Variants in SLC25A21 observed in about 807,000 individuals in gnomAD.
SLC25A21 encodes the protein mitochondrial 2-oxodicarboxylate carrier.
SLC25A21 carries 47 observed loss-of-function variants against 43.8 expected under a neutral mutation model. The ratio of observed to expected loss-of-function variants is 1.07; its 90% confidence interval spans 0.85 to 1.37. SLC25A21 has a LOEUF of 1.37. SLC25A21 is among the 40% of genes most tolerant of loss of function. SLC25A21 has a pLI of 0.00. For synonymous variants in SLC25A21, 131 were observed against 121.3 expected, an observed-to-expected ratio of 1.08 and a Z score of -0.52; for missense variants, 352 against 350.2, an observed-to-expected ratio of 1.00 and a Z score of -0.04.
intron 2 of SLC25A21, among the ~76,000 whole-genome samples, chr14:36,849,549 A>G (rs190222731): frequency 6.6e-6 from 1 of 152,358 alleles, no homozygotes; most frequent in Admixed American, 6.5e-5. Context: ...AAAAGAAAGA[A>G]CTTATTTCCT....
At chr14:36,833,030 T>C (rs1220821409) in intron 2 of SLC25A21, among the ~76,000 whole-genome samples, 1 of 152,182 alleles carries the variant, frequency 6.6e-6, no homozygotes, top group Non-Finnish European at 1.5e-5. Context: ...AAGTTCATTA[T>C]GGTTAAATTT....
At chr14:37,057,745 T>A (rs1961861703) in intron 1 of SLC25A21, among the ~76,000 whole-genome samples, 1 of 152,270 alleles carries the variant, frequency 6.6e-6, no homozygotes, top group African/African-American at 2.4e-5. Context: ...TAAAATATTT[T>A]ATTTCCAGAT....
At chr14:36,892,392 G>A (rs1296841495) in intron 1 of SLC25A21, among the ~76,000 whole-genome samples, 1 of 152,176 alleles carries the variant, frequency 6.6e-6, no homozygotes, top group Non-Finnish European at 1.5e-5. Flanking sequence ...CCCATCAGTA[G>A]ATGAACGGAT....
intron 1 of SLC25A21, among the ~76,000 whole-genome samples, chr14:37,134,929 CTT>C (rs34540986): frequency 2.9e-4 from 41 of 139,364 alleles, no homozygotes; most frequent in Non-Finnish European, 2.8e-4. Flanking sequence ...CTCATCTCTA[CTT>C]TTTTTTTTTT....
intron 1 of SLC25A21, among the ~76,000 whole-genome samples, chr14:37,074,601 G>A (rs997527801): frequency 5.3e-5 from 8 of 152,156 alleles, no homozygotes; most frequent in African/African-American, 1.2e-4. Flanking sequence ...GGAGGCCAAG[G>A]TGGATGGATC....
intron 2 of SLC25A21, among the ~76,000 whole-genome samples, chr14:36,842,482 C>T (rs1031896639): frequency 2.0e-5 from 3 of 152,168 alleles, no homozygotes; most frequent in African/African-American, 7.2e-5. Flanking sequence ...CATGAAGTGA[C>T]TTTGCAAAGT....
chr14:37,171,112 GGGGGAGGGGAGGGGAGGGGAGGGGA>G (rs1204971184), intron 1 of SLC25A21, among the ~76,000 whole-genome samples: 2 of 93,470 alleles, frequency 2.1e-5, no homozygotes, highest in African/African-American at 8.1e-5. Flanking sequence ...AAAGAAAAAG[GGGGGAGGGGAGGGGAGGGGAGGGGA>G]GGGGTGGGGA....
In SLC25A21 at chr14:37,052,296, G is replaced by A. The variant is rs144145041; in HGVS notation, c.70+119985C>T. On this transcript the variant is annotated intron_variant, in intron 1 of 9. Transcript: ENST00000331299. ...GTTATAGAAGATTGAAAAATCGATA[G>A]TATAAACTTTAGGCCTGTAGGTCCA... Among the ~76,000 whole-genome samples the A allele has an allele frequency of 1.9e-3, 289 of 152,248 alleles. 1 individual carries two copies. Among genetic ancestry groups the A allele is most frequent in the African/African-American group, 6.6e-3 (273 of 41,552 alleles).
chr14:36,856,070 G>T (rs1484534283), intron 2 of SLC25A21, among the ~76,000 whole-genome samples: 1 of 152,092 alleles, frequency 6.6e-6, no homozygotes, highest in African/African-American at 2.4e-5. Flanking sequence ...AGAAACCCTG[G>T]TTAACCTTAC....
intron 1 of SLC25A21, among the ~76,000 whole-genome samples, chr14:37,160,431 C>T (rs1417094017): frequency 6.6e-6 from 1 of 152,130 alleles, no homozygotes; most frequent in Non-Finnish European, 1.5e-5. Context: ...ATGGATGAAA[C>T]TGGAGGTCGT....
At chr14:36,812,867 C>G (rs145246523) in intron 3 of SLC25A21, among the ~76,000 whole-genome samples, 2 of 152,228 alleles carry the variant, frequency 1.3e-5, no homozygotes, top group African/African-American at 4.8e-5. Context: ...TCTGAGTCTT[C>G]TTTATCTGTC....
intron 1 of SLC25A21, among the ~76,000 whole-genome samples, chr14:37,072,701 G>A (rs888260567): frequency 2.6e-5 from 4 of 151,998 alleles, no homozygotes; most frequent in South Asian, 2.1e-4. Flanking sequence ...CTGAGATGGC[G>A]CCACTATACT....
chr14:37,029,068 A>T (rs1961152534), intron 1 of SLC25A21, among the ~76,000 whole-genome samples: 1 of 152,176 alleles, frequency 6.6e-6, no homozygotes, highest in African/African-American at 2.4e-5. Context: ...CCACATTATG[A>T]TCTTTCTTTG....
In SLC25A21 at chr14:36,933,096, A is replaced by G. The variant is rs188108419; in HGVS notation, c.71-58092T>C. ...CCAAGATGAAAGCAGGGTGAGATGA[A>G]TAACTAAAATAAGGGCACACCCCTA... On this transcript the variant is annotated intron_variant, in intron 1 of 9. Transcript: ENST00000331299. 2.6e-5 allele frequency among the ~76,000 whole-genome samples: 4 copies of G among 152,280 alleles called. No homozygotes were observed. The East Asian group carries it at 7.7e-4, about 29-fold the overall frequency.
At chr14:37,076,343 T>C (rs1411404249) in intron 1 of SLC25A21, among the ~76,000 whole-genome samples, 1 of 150,534 alleles carries the variant, frequency 6.6e-6, no homozygotes, top group Non-Finnish European at 1.5e-5. Flanking sequence ...GTATTTTTAG[T>C]AGAGATGTAG....
rs1566786697 is a variant in SLC25A21, at chr14:36,977,958, A to ATTT, written c.71-102955_71-102954insAAA. Among the ~76,000 whole-genome samples the ATTT allele has an allele frequency of 4.1e-4, 59 of 143,236 alleles. No homozygotes were observed. In the East Asian group the frequency reaches 0.014, roughly 35 times the overall value. 94.0% of individuals were successfully genotyped at this position (143,236 alleles called of 152,430 possible). On this transcript the variant is annotated intron_variant, in intron 1 of 9. Transcript: ENST00000331299. ...TACAAAGCTTTTTTTTTTTTTTAAAAAAAAAAAAAGACAATTAGTTTGAAC... is the reference window on the plus strand; with the variant it reads ...TACAAAGCTTTTTTTTTTTTTTAAAATTTAAAAAAAAAGACAATTAGTTTGAAC...
At chr14:36,965,257 T>C (rs1273704119) in intron 1 of SLC25A21, among the ~76,000 whole-genome samples, 1 of 152,154 alleles carries the variant, frequency 6.6e-6, no homozygotes, top group African/African-American at 2.4e-5. Context: ...ATAATCACCA[T>C]GACTTTCCAC....
chr14:37,114,401 G>A (rs1448186241), intron 1 of SLC25A21, among the ~76,000 whole-genome samples: 1 of 152,196 alleles, frequency 6.6e-6, no homozygotes, highest in Non-Finnish European at 1.5e-5. Flanking sequence ...AGAGATGGAA[G>A]CAATTAAATG....
chr14:37,042,480 T>C (rs577296456), intron 1 of SLC25A21, among the ~76,000 whole-genome samples: 3 of 152,280 alleles, frequency 2.0e-5, no homozygotes, highest in African/African-American at 7.2e-5. Flanking sequence ...TTTTTTAAAA[T>C]AGAAAATAAC....
Sources: gnomAD v4.1 joint callset for allele counts (sites outside exome capture counted in the v4.1 genomes callset) on GRCh38, gnomAD v4.1.1 for gene constraint, MANE v1.5 for transcripts, NCBI Gene and HGNC (gene_info 2026-07-23, HGNC 2026-07-21) for gene names.